Variants in HEATR5A observed in about 807,000 individuals in gnomAD.
HEATR5A encodes the protein HEAT repeat containing 5A.
A neutral mutation model predicts 218.8 loss-of-function variants in HEATR5A; 178 were observed. The observed-to-expected ratio is 0.81, with a 90% CI of 0.72 to 0.92. The LOEUF (loss-of-function observed/expected upper bound fraction) is 0.92, where lower values mean the gene tolerates loss of function less well. Ranked by LOEUF, HEATR5A falls within the 40% of genes least tolerant of loss-of-function variation. The probability of loss-of-function intolerance (pLI) is 0.00; values close to 1 mark genes in which losing one functional copy is unlikely to be tolerated. For synonymous variants in HEATR5A, 864 were observed against 871.6 expected, an observed-to-expected ratio of 0.99 and a Z score of 0.15; for missense variants, 2,420 against 2,418.9, an observed-to-expected ratio of 1.00 and a Z score of -0.01.
At chr14:31,339,378 A>T (rs552414542) in intron 21 of HEATR5A, among the ~76,000 whole-genome samples, 6 of 132,528 alleles carry the variant, frequency 4.5e-5, no homozygotes, top group African/African-American at 1.7e-4. Context: ...TGAACCCGGG[A>T]GGCAGAAGTT....
At position 31,318,293 on chromosome 14, in the gene HEATR5A, C is replaced by A; in HGVS notation, c.3970-1G>T. Reference sequence around the variant, plus strand: ...AGGCTGGTCTAAGCGCTGCTCCTACCTGGCAAGAAATTACATGACATATCA... The same window carrying A: ...AGGCTGGTCTAAGCGCTGCTCCTACATGGCAAGAAATTACATGACATATCA... On this transcript the variant is annotated splice_acceptor_variant, in intron 25 of 35. Coordinates refer to ENST00000543095, the MANE Select transcript of HEATR5A (RefSeq NM_015473.4). LOFTEE classifies it high-confidence loss of function. The A allele has an allele frequency of 6.2e-7, 1 of 1,613,090 alleles. No homozygotes were observed. The highest frequency in any genetic ancestry group is 1.3e-5 in the African/African-American group (1 of 75,026).
At chr14:31,342,993 T>C (rs949385169) in intron 21 of HEATR5A, among the ~76,000 whole-genome samples, 4 of 151,988 alleles carry the variant, frequency 2.6e-5, no homozygotes, top group African/African-American at 9.7e-5. Context: ...ACTGCAGGAG[T>C]AGAAAAATTT....
intron 10 of HEATR5A, 39 bp from the exon 11 acceptor site, chr14:31,380,617 AG>A: frequency 3.0e-6 from 4 of 1,312,788 alleles, no homozygotes; most frequent in Non-Finnish European, 4.3e-6. Flanking sequence ...AAAGCATATC[AG>A]TTTATAAATT....
At chr14:31,321,829 A>C in intron 24 of HEATR5A, 149 bp from the exon 25 acceptor site, 1 of 625,106 alleles carries the variant, frequency 1.6e-6, no homozygotes, top group Non-Finnish European at 2.8e-6. Context: ...TTAAATAGAG[A>C]CTTTAAAGCT....
At chr14:31,356,144 T>C (rs976312802) in intron 16 of HEATR5A, among the ~76,000 whole-genome samples, 11 of 152,320 alleles carry the variant, frequency 7.2e-5, no homozygotes, top group Middle Eastern at 3.4e-3. Flanking sequence ...TTCATGTAGT[T>C]TCTATCTTCT....
chr14:31,307,899 A>G lies in HEATR5A; in HGVS notation c.4812T>C (p.Ser1604=), dbSNP rs2139141091. ...DVPWPRSKIG[S]DQDLGIELLN... ...AAAACCCCAGATAAATCACCTGATC[A>G]CTGCCAATTTTTGATCTGGGCCAAG... is the stretch of plus-strand genomic sequence containing the variant. The change falls in exon 30 of 36, where the codon AGT becomes AGC. Residue 1604 remains serine, a synonymous_variant. Coordinates refer to ENST00000543095, the MANE Select transcript of HEATR5A (RefSeq NM_015473.4). 6.2e-7 allele frequency: 1 copy of G among 1,611,478 alleles called. No homozygotes were observed. Among genetic ancestry groups the G allele is most frequent in the East Asian group, 2.2e-5 (1 of 44,844 alleles).
intron 9 of HEATR5A, among the ~76,000 whole-genome samples, chr14:31,384,032 G>A (rs149170903): frequency 3.9e-5 from 6 of 151,926 alleles, no homozygotes; most frequent in South Asian, 2.1e-4. Context: ...AATTAAGTCC[G>A]CGCACAAAAG....
At chr14:31,328,474 C>T (rs890149597) in intron 22 of HEATR5A, among the ~76,000 whole-genome samples, 3 of 152,040 alleles carry the variant, frequency 2.0e-5, no homozygotes, top group African/African-American at 4.8e-5. Flanking sequence ...GTGAGGGCTG[C>T]AAATCAATAT....
chr14:31,371,215 G>A (rs912176869), intron 13 of HEATR5A, among the ~76,000 whole-genome samples: 4 of 152,124 alleles, frequency 2.6e-5, no homozygotes, highest in African/African-American at 9.7e-5. Context: ...TTACTATCTG[G>A]TCCTTCAGAA....
At chr14:31,413,051 T>C (rs901442576) in intron 1 of HEATR5A, among the ~76,000 whole-genome samples, 1 of 152,170 alleles carries the variant, frequency 6.6e-6, no homozygotes, top group Admixed American at 6.6e-5. Context: ...ACTTAACTTA[T>C]GACGAACCCC....
intron 18 of HEATR5A, 135 bp downstream of exon 18, chr14:31,349,654 T>C (rs1901147363): frequency 6.4e-6 from 4 of 628,722 alleles, no homozygotes; most frequent in Admixed American, 3.1e-5. Context: ...TTCTTTCCTT[T>C]AGCAGTCAAC....
intron 6 of HEATR5A, among the ~76,000 whole-genome samples, chr14:31,389,622 T>C (rs897260813): frequency 2.0e-5 from 3 of 152,004 alleles, no homozygotes. Context: ...CACAGCTGGG[T>C]TTCTCCCTGT....
chr14:31,323,880 AT>A (rs1415048602), intron 23 of HEATR5A, 76 bp from the exon 24 acceptor site: 16 of 1,007,504 alleles, frequency 1.6e-5, no homozygotes, highest in East Asian at 5.3e-5. Context: ...GAACAAAAAA[AT>A]GACTTCAAAT....
At chr14:31,381,386 TA>T (rs2029975933) in intron 10 of HEATR5A, among the ~76,000 whole-genome samples, 1 of 151,014 alleles carries the variant, frequency 6.6e-6, no homozygotes, top group Admixed American at 6.6e-5. Context: ...AATGTTATAG[TA>T]AAAAAGTCTA....
intron 31 of HEATR5A, among the ~76,000 whole-genome samples, chr14:31,305,846 C>T (rs762497602): frequency 1.3e-5 from 2 of 152,096 alleles, no homozygotes; most frequent in East Asian, 3.9e-4. Flanking sequence ...AAGAAGGTGC[C>T]ATGTCAGCCC....
At chr14:31,405,413 G>A (rs1384136994) in intron 1 of HEATR5A, among the ~76,000 whole-genome samples, 7 of 152,146 alleles carry the variant, frequency 4.6e-5, no homozygotes, top group Non-Finnish European at 1.0e-4. Flanking sequence ...CAGACTGGGG[G>A]ACAGAGTGAG....
rs887167105 is a variant in HEATR5A, at chr14:31,312,892, T to C, written c.4441+76A>G. 11 of 1,241,592 alleles carry C rather than the reference T, an allele frequency of 8.9e-6. No individual in the cohort carries two copies. The South Asian group carries it at 1.4e-4, about 16-fold the overall frequency. The allele number at this position is 1,241,592 out of a possible 1,614,324, so 76.9% of individuals were successfully genotyped here. A position where few individuals can be genotyped will look rare whatever the true frequency, so the allele number is the denominator to read the frequency against. ...CAGCCTGGGAAACAAAGTAAGACCC[T>C]GTCAAAAACAAAAAAAAAGAAAAGA... On this transcript the variant is annotated intron_variant, in intron 28 of 35. Coordinates refer to ENST00000543095, the MANE Select transcript of HEATR5A (RefSeq NM_015473.4).
In HEATR5A at chr14:31,311,807, G is replaced by T. The variant is rs143714521; in HGVS notation, c.4441+1161C>A. Among the ~76,000 whole-genome samples, 3 of 152,240 alleles carry T rather than the reference G, an allele frequency of 2.0e-5. No individual in the cohort carries two copies. The East Asian group carries it at 5.8e-4, about 29-fold the overall frequency. On this transcript the variant is annotated intron_variant, in intron 28 of 35. Coordinates refer to ENST00000543095, the MANE Select transcript of HEATR5A (RefSeq NM_015473.4). ...CAAGGCAATTTACTTTTGCAAAAGG[G>T]TGTCACTCGCATCAATCAAGATCGC...
intron 14 of HEATR5A, among the ~76,000 whole-genome samples, chr14:31,361,723 C>A (rs1901621796): frequency 6.6e-6 from 1 of 151,986 alleles, no homozygotes; most frequent in Admixed American, 6.6e-5. Flanking sequence ...TAAATCCATA[C>A]CAAAACTAAG....
Sources: gnomAD v4.1 joint callset for allele counts (sites outside exome capture counted in the v4.1 genomes callset) on GRCh38, gnomAD v4.1.1 for gene constraint, MANE v1.5 for transcripts, NCBI Gene and HGNC (gene_info 2026-07-23, HGNC 2026-07-21) for gene names.